The following TAF2 variants were observed in gnomAD, a reference collection of about 807,000 sequenced individuals.
The protein encoded by TAF2 is transcription initiation factor TFIID subunit 2.
Under a neutral mutation model 138.5 loss-of-function variants are expected in TAF2, and 61 were observed. The observed-to-expected ratio is 0.44, with a 90% CI of 0.36 to 0.54. The LOEUF is 0.54. Ranked by LOEUF, TAF2 falls within the 20% of genes least tolerant of loss-of-function variation. The pLI is 0.00. For missense variants in TAF2, 1,090 were observed against 1,427.9 expected (o/e 0.76, Z 3.81); for synonymous variants, 475 against 469.9 (o/e 1.01, Z -0.14).
chr8:119,821,504 G>C (rs1310591074), intron 2 of TAF2, among the ~76,000 whole-genome samples: 1 of 152,188 alleles, frequency 6.6e-6, no homozygotes, highest in Admixed American at 6.5e-5. Flanking sequence ...GTGGAAAATA[G>C]GCATTCTCCT....
intron 3 of TAF2, among the ~76,000 whole-genome samples, chr8:119,807,223 G>A (rs1262693936): frequency 2.0e-5 from 3 of 152,086 alleles, no homozygotes; most frequent in Non-Finnish European, 4.4e-5. Flanking sequence ...TTTTCAGCAG[G>A]CTCACCGTTA....
intron 2 of TAF2, among the ~76,000 whole-genome samples, chr8:119,820,099 C>A (rs922442320): frequency 6.6e-6 from 1 of 152,116 alleles, no homozygotes; most frequent in African/African-American, 2.4e-5. Context: ...TGTAGTTCTA[C>A]CATGTTAGCT....
chr8:119,802,631 G>C (rs1824343246), intron 5 of TAF2, among the ~76,000 whole-genome samples: 1 of 152,196 alleles, frequency 6.6e-6, no homozygotes, highest in African/African-American at 2.4e-5. Context: ...TCTGAGGACA[G>C]GCTGGGCGCA....
At chr8:119,829,118 C>G (rs1826280484) in intron 2 of TAF2, among the ~76,000 whole-genome samples, 1 of 152,170 alleles carries the variant, frequency 6.6e-6, no homozygotes, top group Non-Finnish European at 1.5e-5. Flanking sequence ...GTAGACTGTT[C>G]TGATTATTCT....
rs1819656371 is a variant in TAF2 at position 119,742,405 on chromosome 8, AT to A, written c.3337+128del. 3 of 1,181,636 alleles carry A rather than the reference AT, an allele frequency of 2.5e-6. No individual in the cohort carries two copies. In the Admixed American group the frequency reaches 6.8e-5, roughly 27 times the overall value. 73.2% of individuals were successfully genotyped at this position (1,181,636 alleles called of 1,614,324 possible). On this transcript the variant is annotated intron_variant, in intron 25 of 25. Coordinates refer to ENST00000378164, the MANE Select transcript of TAF2 (RefSeq NM_003184.4). ...AAGTTAGACAATATAAGCTCAATGTATTACAAGAAAAGCCAAGTCCTAAGAT... is the reference window on the plus strand; with the variant it reads ...AAGTTAGACAATATAAGCTCAATGTATACAAGAAAAGCCAAGTCCTAAGAT...
At chr8:119,733,764 AAT>A (rs988149150) in intron 25 of TAF2, among the ~76,000 whole-genome samples, 2 of 149,856 alleles carry the variant, frequency 1.3e-5, no homozygotes, top group Non-Finnish European at 3.0e-5. Context: ...GATTCTCATA[AAT>A]ATCTCTTAAA....
chr8:119,815,882 G>T (rs1054814659), intron 3 of TAF2, among the ~76,000 whole-genome samples: 2 of 152,038 alleles, frequency 1.3e-5, no homozygotes, highest in African/African-American at 2.4e-5. Context: ...GCTTATACAC[G>T]TTACATAACC....
intron 25 of TAF2, among the ~76,000 whole-genome samples, chr8:119,740,412 T>C (rs1278796014): frequency 2.7e-5 from 4 of 149,736 alleles, no homozygotes; most frequent in Non-Finnish European, 5.9e-5. Flanking sequence ...CCTAGCACTT[T>C]GGGAGGCTGA....
intron 3 of TAF2, among the ~76,000 whole-genome samples, chr8:119,813,231 A>C (rs1825220289): frequency 6.6e-6 from 1 of 152,298 alleles, no homozygotes; most frequent in Admixed American, 6.5e-5. Flanking sequence ...TGTGTTGACT[A>C]TTTGTATATC....
chr8:119,804,217 A>G (rs1463103347), intron 4 of TAF2, among the ~76,000 whole-genome samples, 198 bp from the exon 5 acceptor site: 1 of 152,144 alleles, frequency 6.6e-6, no homozygotes, highest in Non-Finnish European at 1.5e-5. Context: ...TTGGTTTTCT[A>G]CCTCCAATCA....
rs1332238302 is a variant in TAF2, at chr8:119,762,422, T to A, written c.2551A>T (p.Thr851Ser). 1 of 1,613,256 alleles carries A rather than the reference T, an allele frequency of 6.2e-7. No individual in the cohort carries two copies. Among genetic ancestry groups the A allele is most frequent in the Non-Finnish European group, 8.5e-7 (1 of 1,179,312 alleles). ...KLLPSYRHTI[T>S]VSCLRAIRVL... ...TAAGGAATTTAATCATACCTGACAG[T>A]GATGGTATGCCTGTAACTCGGAAGA... Residue 851 changes from threonine (T) to serine (S), a missense_variant, in exon 19 of 26, where the codon ACT (threonine) becomes TCT (serine). Transcript: ENST00000378164.
At chr8:119,737,760 G>A (rs1013492683) in intron 25 of TAF2, among the ~76,000 whole-genome samples, 2 of 151,770 alleles carry the variant, frequency 1.3e-5, no homozygotes, top group African/African-American at 4.8e-5. Context: ...CCCCCACCTT[G>A]GCCTCCCAAA....
chr8:119,757,442 CAT>C, intron 21 of TAF2, among the ~76,000 whole-genome samples: 1 of 152,066 alleles, frequency 6.6e-6, no homozygotes, highest in East Asian at 1.9e-4. Flanking sequence ...AGGTAAATAA[CAT>C]ATTTTAAAAT....
chr8:119,756,759 T>C (rs539271811), intron 21 of TAF2, among the ~76,000 whole-genome samples: 1 of 152,234 alleles, frequency 6.6e-6, no homozygotes. Context: ...TATCAGAGGC[T>C]ACCTGAACAT....
In TAF2 at chr8:119,768,811, C is replaced by T. The variant is rs956527122; in HGVS notation, c.2365-6203G>A. Among the ~76,000 whole-genome samples, 3 of 152,170 alleles carry T rather than the reference C, an allele frequency of 2.0e-5. 1 individual carries two copies. In the South Asian group the frequency reaches 6.2e-4, roughly 31 times the overall value. Reference sequence around the variant, plus strand: ...ACCACATTGGAGAACAGGAAAGCCACAGAGCTGTCTGTATTGGGCTGAGTG... The same window carrying T: ...ACCACATTGGAGAACAGGAAAGCCATAGAGCTGTCTGTATTGGGCTGAGTG... On this transcript the variant is annotated intron_variant, in intron 18 of 25. Coordinates refer to ENST00000378164, the MANE Select transcript of TAF2 (RefSeq NM_003184.4).
Position 119,760,486 on chromosome 8 carries a change from T to A in TAF2, c.2698+113A>T, listed in dbSNP as rs187122980. 80 of 1,201,860 alleles carry A rather than the reference T, an allele frequency of 6.7e-5. No homozygotes were observed. The African/African-American group carries it at 1.2e-3, about 18-fold the overall frequency. The allele number at this position is 1,201,860 out of a possible 1,614,324, so 74.4% of individuals were successfully genotyped here. A position where few individuals can be genotyped will look rare whatever the true frequency, so the allele number is the denominator to read the frequency against. Reference sequence around the variant, plus strand: ...GATTTCTAAATCACTAAGTCAAGAATTTAAAATTAAAATATCTGTGTTATA... The same window carrying A: ...GATTTCTAAATCACTAAGTCAAGAAATTAAAATTAAAATATCTGTGTTATA... On this transcript the variant is annotated intron_variant, in intron 20 of 25. Transcript: ENST00000378164.
chr8:119,829,678 T>C (rs533024793), intron 2 of TAF2, among the ~76,000 whole-genome samples: 5 of 152,096 alleles, frequency 3.3e-5, no homozygotes, highest in African/African-American at 9.6e-5. Context: ...AACCCCTTTA[T>C]AGCAGTCTTG....
intron 6 of TAF2, among the ~76,000 whole-genome samples, chr8:119,799,081 A>G (rs189845309): frequency 2.6e-5 from 4 of 152,290 alleles, no homozygotes; most frequent in Admixed American, 1.3e-4. Flanking sequence ...TTCCTATTCA[A>G]TAGCTCAGAG....
intron 6 of TAF2, among the ~76,000 whole-genome samples, chr8:119,801,217 A>T (rs1032611336): frequency 2.0e-5 from 3 of 152,178 alleles, no homozygotes; most frequent in African/African-American, 7.2e-5. Flanking sequence ...TAGTTACAGA[A>T]ATCTACCTAT....
Sources: gnomAD v4.1 joint callset for allele counts (sites outside exome capture counted in the v4.1 genomes callset) on GRCh38, gnomAD v4.1.1 for gene constraint, MANE v1.5 for transcripts, NCBI Gene and HGNC (gene_info 2026-07-23, HGNC 2026-07-21) for gene names.